Variants in MICAL2 observed in about 807,000 individuals in gnomAD.
The protein encoded by MICAL2 is microtubule associated monooxygenase, calponin and LIM domain containing 2, also known as [F-actin]-monooxygenase MICAL2.
A neutral mutation model predicts 127.3 loss-of-function variants in MICAL2; 77 were observed. The ratio of observed to expected loss-of-function variants is 0.60; its 90% CI spans 0.50 to 0.73. The LOEUF is 0.73. MICAL2 is among the 30% of genes least tolerant of loss of function. The pLI, the probability that MICAL2 is intolerant of heterozygous loss-of-function variation, is 0.00. For missense variants in MICAL2, 1,351 were observed against 1,434.4 expected, an observed-to-expected ratio of 0.94 and a Z score of 0.94; for synonymous variants, 570 against 551.1, an observed-to-expected ratio of 1.03 and a Z score of -0.48.
downstream of MICAL2, among the ~76,000 whole-genome samples, chr11:12,265,541 T>A (rs577969074): frequency 6.6e-6 from 1 of 152,328 alleles, no homozygotes; most frequent in East Asian, 1.9e-4. Context: ...AATAAAATAT[T>A]AAATAGACCA....
chr11:12,184,393 A>G (rs1447703588), intron 3 of MICAL2, among the ~76,000 whole-genome samples: 3 of 152,168 alleles, frequency 2.0e-5, no homozygotes, highest in South Asian at 2.1e-4. Context: ...AGAGGGCTCC[A>G]CTGCAGACCC....
At chr11:12,208,266 G>A (rs1854982543) in intron 5 of MICAL2, 127 bp downstream of exon 5, 5 of 690,280 alleles carry the variant, frequency 7.2e-6, no homozygotes, top group South Asian at 5.6e-5. Flanking sequence ...TAATGCCACT[G>A]AAGGGTATTT....
intron 7 of MICAL2, 132 bp downstream of exon 7, chr11:12,213,542 A>G: frequency 1.2e-6 from 1 of 851,440 alleles, no homozygotes; most frequent in Non-Finnish European, 1.8e-6. Flanking sequence ...GGAAGCAATG[A>G]TTTTCCCTAG....
At chr11:12,157,016 T>C (rs1854263831) in intron 2 of MICAL2, among the ~76,000 whole-genome samples, 1 of 152,190 alleles carries the variant, frequency 6.6e-6, no homozygotes, top group Admixed American at 6.5e-5. Flanking sequence ...TGTTTTTGGA[T>C]TGCATTGACC....
intron 11 of MICAL2, 93 bp from the exon 12 acceptor site, chr11:12,223,318 C>G (rs1857039006): frequency 2.8e-6 from 3 of 1,071,732 alleles, no homozygotes; most frequent in East Asian, 4.8e-5. Flanking sequence ...AAAATGGTGG[C>G]AGGCACTGAA....
downstream of MICAL2, among the ~76,000 whole-genome samples, chr11:12,266,903 A>G (rs1863615039): frequency 6.6e-6 from 1 of 152,186 alleles, no homozygotes; most frequent in Non-Finnish European, 1.5e-5. Context: ...TCTCTTTGCC[A>G]TGTTCTAGAT....
At chr11:12,302,883 C>T (rs1212989840) in intron 29 of MICAL2, among the ~76,000 whole-genome samples, 1 of 151,894 alleles carries the variant, frequency 6.6e-6, no homozygotes, top group African/African-American at 2.4e-5. Flanking sequence ...TATTAGTTCT[C>T]ACACTGCTAT....
chr11:12,294,989 G>A, downstream of MICAL2: 2 of 1,291,366 alleles, frequency 1.5e-6, no homozygotes, highest in South Asian at 2.6e-5. Context: ...AAACTTTAAA[G>A]GCAAAAAATT....
intron 32 of MICAL2, among the ~76,000 whole-genome samples, chr11:12,338,952 G>C (rs1938813580): frequency 6.6e-6 from 1 of 152,126 alleles, no homozygotes. Flanking sequence ...CTCTTCTCGA[G>C]GAGTATCTTT....
At position 12,330,833 on chromosome 11, in the gene MICAL2, C is replaced by CAGAG. The variant is rs1422663669; in HGVS notation, c.5515+3579_5515+3582dup. The stretch of plus-strand genomic sequence containing the variant: ...AGAGAGAGAGAGAGGGAGAGACAGA[C>CAGAG]AGAGAGAGAGAGAGACAGAGAGAGG... On this transcript the variant is annotated intron_variant, in intron 32 of 34. Coordinates refer to the MICAL2 transcript ENST00000646065. 9.5e-3 allele frequency among the ~76,000 whole-genome samples: 1,266 copies of CAGAG among 132,698 alleles called. 40 individuals are homozygous for CAGAG. The highest frequency in any genetic ancestry group is 0.019 in the South Asian group (76 of 3,932). The allele number at this position is 132,698 out of a possible 152,430, so 87.1% of individuals were successfully genotyped here.
downstream of MICAL2, chr11:12,294,865 G>A: frequency 4.8e-6 from 7 of 1,473,356 alleles, no homozygotes; most frequent in Non-Finnish European, 6.2e-6. Context: ...CAGGTAAGTG[G>A]CTCTGTCCTG....
chr11:12,111,087 C>T (rs965367537), intron 1 of MICAL2, among the ~76,000 whole-genome samples: 45 of 152,236 alleles, frequency 3.0e-4, no homozygotes, highest in African/African-American at 1.1e-3. Flanking sequence ...CTGCCTGTCA[C>T]CTGGCAGAAG....
chr11:12,276,541 C>T, intron 1 of MICAL2: 1 of 161,404 alleles, frequency 6.2e-6, no homozygotes, highest in Non-Finnish European at 1.3e-5. Flanking sequence ...GATGGTGATG[C>T]ATGGGGCTGG....
intron 1 of MICAL2, among the ~76,000 whole-genome samples, chr11:12,122,504 G>A (rs1183320983): frequency 6.6e-6 from 1 of 152,188 alleles, no homozygotes; most frequent in Non-Finnish European, 1.5e-5. Context: ...TGCTTCCCAG[G>A]TTCAAGCAAT....
chr11:12,256,090 C>G, intron 23 of MICAL2: 1 of 234,030 alleles, frequency 4.3e-6, no homozygotes, highest in Non-Finnish European at 8.4e-6. Context: ...TGAACAGACT[C>G]TGTGCATTGG....
In MICAL2 at chr11:12,196,482, G is replaced by C. The variant is rs185638623; in HGVS notation, c.265-7768G>C. On this transcript the variant is annotated intron_variant, in intron 3 of 27. Coordinates refer to ENST00000683283, the MANE Select transcript of MICAL2 (RefSeq NM_001282663.2). ...GTAGATGGTGTCAGGGTCAATAAGG[G>C]AAGGGTATAAAGGCTGAGCCCCAGG... Among the ~76,000 whole-genome samples, 179 of 152,282 alleles carry C rather than the reference G, an allele frequency of 1.2e-3. 2 individuals carry two copies. The highest frequency in any genetic ancestry group is 4.3e-3 in the African/African-American group (177 of 41,542).
intron 3 of MICAL2, among the ~76,000 whole-genome samples, chr11:12,179,791 TATG>T (rs1857225392): frequency 6.6e-6 from 1 of 152,236 alleles, no homozygotes; most frequent in Non-Finnish European, 1.5e-5. Context: ...GTTACCAAGT[TATG>T]ATAACTTAAT....
chr11:12,279,063 G>T (rs944553066), intron 1 of MICAL2, among the ~76,000 whole-genome samples: 6 of 152,192 alleles, frequency 3.9e-5, no homozygotes, highest in African/African-American at 1.4e-4. Flanking sequence ...GGGCTCAGAA[G>T]AGAGCTCTGG....
intron 2 of MICAL2, among the ~76,000 whole-genome samples, chr11:12,146,859 A>G (rs1590067998): frequency 6.6e-6 from 1 of 152,222 alleles, no homozygotes; most frequent in South Asian, 2.1e-4. Context: ...GGCAATATAC[A>G]CCGTGGAATA....
Sources: allele counts gnomAD v4.1 joint callset (sites outside exome capture counted in the v4.1 genomes callset), GRCh38; gene constraint gnomAD v4.1.1; transcripts MANE v1.5; gene names NCBI Gene and HGNC (gene_info 2026-07-23, HGNC 2026-07-21).